GRIK4: variants seen among roughly 807,000 people sequenced by gnomAD.
The protein encoded by GRIK4 is glutamate receptor ionotropic, kainate 4.
GRIK4 carries 40 observed loss-of-function variants against 104.9 expected under a neutral mutation model. The ratio of observed to expected loss-of-function variants is 0.38; its 90% CI spans 0.30 to 0.50. The LOEUF is 0.50. Among genes scored for constraint, GRIK4 ranks in the 20% least tolerant of loss-of-function variants. The pLI is 0.93. For missense variants in GRIK4, 1,047 were observed against 1,308.1 expected (o/e 0.80, Z 3.08); for synonymous variants, 485 against 524.9 (o/e 0.92, Z 1.04).
At chr11:120,817,931 C>T (rs1055635122) in intron 5 of GRIK4, among the ~76,000 whole-genome samples, 2 of 152,186 alleles carry the variant, frequency 1.3e-5, no homozygotes, top group African/African-American at 2.4e-5. Flanking sequence ...TATTATATAC[C>T]CTACACACAG....
chr11:120,742,349 A>AC (rs1307204578), intron 3 of GRIK4, among the ~76,000 whole-genome samples: 1 of 151,454 alleles, frequency 6.6e-6, no homozygotes, highest in Non-Finnish European at 1.5e-5. Flanking sequence ...CCGTTTCAAA[A>AC]AAAAAAAAAA....
intron 1 of GRIK4, among the ~76,000 whole-genome samples, chr11:120,517,771 T>G (rs1947748784): frequency 6.7e-6 from 1 of 149,744 alleles, no homozygotes; most frequent in African/African-American, 2.5e-5. Flanking sequence ...CAGGAGGGAG[T>G]GGGAAGGGGC....
At chr11:120,713,244 T>C (rs534696120) in intron 3 of GRIK4, among the ~76,000 whole-genome samples, 4 of 152,346 alleles carry the variant, frequency 2.6e-5, no homozygotes, top group Non-Finnish European at 4.4e-5. Context: ...ACTGGATTGG[T>C]TTCTCTCAGC....
At chr11:120,832,763 CAA>C (rs993864429) in intron 7 of GRIK4, among the ~76,000 whole-genome samples, 5 of 152,284 alleles carry the variant, frequency 3.3e-5, no homozygotes, top group African/African-American at 1.2e-4. Flanking sequence ...GAGGCTGATC[CAA>C]GAGAGAGAGA....
rs1483487514 is a variant in GRIK4, at chr11:120,524,969, CA to C, written c.-159+13083del. ...CGTCTTCTTGGCTTCTGGAGCCCAT[CA>C]GGGGCTGCACCATGAATGCCCAGTG... On this transcript the variant is annotated intron_variant, in intron 1 of 20. Coordinates refer to ENST00000527524, the MANE Select transcript of GRIK4 (RefSeq NM_014619.5). The surrounding 1 kb of genome is among the most constrained non-coding windows in gnomAD (Gnocchi z 4.5). 2.0e-5 allele frequency among the ~76,000 whole-genome samples: 3 copies of C among 152,166 alleles called. No homozygotes were observed. The highest frequency in any genetic ancestry group is 7.2e-5 in the African/African-American group (3 of 41,436).
At chr11:120,908,886 C>T (rs187435164) in intron 13 of GRIK4, among the ~76,000 whole-genome samples, 3 of 152,346 alleles carry the variant, frequency 2.0e-5, no homozygotes, top group East Asian at 1.9e-4. Context: ...TAACAGCACT[C>T]GAGGTGCAAA....
Position 120,831,741 on chromosome 11 carries a change from A to AC in GRIK4, c.512-105dup, listed in dbSNP as rs532905571. On this transcript the variant is annotated intron_variant, in intron 6 of 20. Transcript: ENST00000527524. ...TCCTTAATGCTGTCAGTGGGGCCAG[A>AC]CCCCCCGACCCCACTTCCAGCCCAC... 980 of 734,884 alleles carry AC rather than the reference A, an allele frequency of 1.3e-3. 3 individuals carry two copies. The African/African-American group carries it at 0.015, about 11-fold the overall frequency. 45.5% of individuals were successfully genotyped at this position (734,884 alleles called of 1,614,324 possible). A position where few individuals can be genotyped will look rare whatever the true frequency, so the allele number is the denominator to read the frequency against.
chr11:120,711,140 T>C (rs1241563822), intron 3 of GRIK4, among the ~76,000 whole-genome samples: 1 of 152,206 alleles, frequency 6.6e-6, no homozygotes, highest in Non-Finnish European at 1.5e-5. Flanking sequence ...CAGCTTGTTA[T>C]GTCAGGAAAG....
At chr11:120,557,762 A>G (rs1461461547) in intron 1 of GRIK4, among the ~76,000 whole-genome samples, 1 of 151,958 alleles carries the variant, frequency 6.6e-6, no homozygotes, top group African/African-American at 2.4e-5. Flanking sequence ...CACGCCTGTA[A>G]TCCCAGCACT....
intron 1 of GRIK4, among the ~76,000 whole-genome samples, chr11:120,617,701 C>G (rs1433242680): frequency 6.6e-6 from 1 of 152,008 alleles, no homozygotes; most frequent in African/African-American, 2.4e-5. Flanking sequence ...TGTGTAGCAC[C>G]TCCCCCACTC....
intron 14 of GRIK4, among the ~76,000 whole-genome samples, chr11:120,951,001 C>G (rs958845117): frequency 1.3e-5 from 2 of 152,114 alleles, no homozygotes; most frequent in Non-Finnish European, 2.9e-5. Context: ...AGAGAACTTG[C>G]AATTGGTATC....
chr11:120,881,661 C>T (rs1445529008), intron 11 of GRIK4, among the ~76,000 whole-genome samples: 1 of 152,212 alleles, frequency 6.6e-6, no homozygotes, highest in Non-Finnish European at 1.5e-5. Flanking sequence ...TTCAACCCAA[C>T]TCCTTGAAAT....
intron 1 of GRIK4, among the ~76,000 whole-genome samples, chr11:120,646,845 A>C (rs554424047): frequency 6.6e-6 from 1 of 152,212 alleles, no homozygotes; most frequent in East Asian, 1.9e-4. Context: ...TTCTCACTGC[A>C]TGTTATCAAA....
Position 120,606,497 on chromosome 11 carries a change from G to A in GRIK4, c.-158-47188G>A, listed in dbSNP as rs890549593. 6.6e-5 allele frequency among the ~76,000 whole-genome samples: 10 copies of A among 152,334 alleles called. No individual in the cohort carries two copies. In the East Asian group the frequency reaches 7.7e-4, roughly 12 times the overall value. On this transcript the variant is annotated intron_variant, in intron 1 of 20. Transcript: ENST00000527524. ...AGTGGCCAAGCCAGGGGTAGAGCCCGAGGGGAGAAACTGTGTCCTCCCACA... is the reference window on the plus strand; with the variant it reads ...AGTGGCCAAGCCAGGGGTAGAGCCCAAGGGGAGAAACTGTGTCCTCCCACA...
intron 19 of GRIK4, among the ~76,000 whole-genome samples, chr11:120,972,357 A>G (rs2134766444): frequency 6.6e-6 from 1 of 152,360 alleles, no homozygotes; most frequent in Middle Eastern, 3.4e-3. Flanking sequence ...GGAGAAATCA[A>G]GTCAAATTAT....
rs11329842 is a variant in GRIK4, at chr11:120,956,203, CT to C, written c.1701-562del. 0.59 allele frequency among the ~76,000 whole-genome samples: 83,623 copies of C among 142,738 alleles called. 26,009 individuals are homozygous for C. The highest frequency in any genetic ancestry group is 0.98 in the East Asian group (4,708 of 4,824). The allele number at this position is 142,738 out of a possible 152,430, so 93.6% of individuals were successfully genotyped here. Reference sequence around the variant, plus strand: ...CCTAGCCTCAGGGGCTCCACTTAATCTTTTTTTTTTTTTTTGAGACAGGGTC... The same window carrying C: ...CCTAGCCTCAGGGGCTCCACTTAATCTTTTTTTTTTTTTTGAGACAGGGTC... On this transcript the variant is annotated intron_variant, in intron 15 of 20. Transcript: ENST00000527524. This position sits in a 1 kb window ranked among gnomAD's most constrained non-coding sequence, Gnocchi z 4.6.
At chr11:120,620,540 G>T (rs1299978387) in intron 1 of GRIK4, among the ~76,000 whole-genome samples, 2 of 152,090 alleles carry the variant, frequency 1.3e-5, no homozygotes, top group Non-Finnish European at 2.9e-5. Flanking sequence ...TCCCTATGTT[G>T]TTCAGGCTGG....
chr11:120,961,017 C>T lies in GRIK4; in HGVS notation c.1983C>T (p.Asp661=). 6.2e-7 allele frequency: 1 copy of T among 1,614,130 alleles called. No homozygotes were observed. The highest frequency in any genetic ancestry group is 8.5e-7 in the Non-Finnish European group (1 of 1,179,966). The part of the protein sequence containing the change: ...VPIESVDDLA[D]QTAIEYGTIH... ...TTGAGTCAGTGGATGACCTGGCTGA[C>T]CAGACCGCCATTGAATATGGCACAA... is the stretch of plus-strand genomic sequence containing the variant. Residue 661 remains aspartate, a synonymous_variant, in exon 17 of 21, where the codon GAC becomes GAT. Transcript: ENST00000527524.
chr11:120,520,291 C>A (rs569706505), intron 1 of GRIK4, among the ~76,000 whole-genome samples: 1 of 152,220 alleles, frequency 6.6e-6, no homozygotes, highest in African/African-American at 2.4e-5. Context: ...AGTCCCAGCC[C>A]GTCCAGCCAT....
Sources: gnomAD v4.1 joint callset for allele counts (sites outside exome capture counted in the v4.1 genomes callset) on GRCh38, gnomAD v4.1.1 for gene constraint, Gnocchi (gnomAD v3.1) non-coding constraint, MANE v1.5 for transcripts, NCBI Gene and HGNC (gene_info 2026-07-23, HGNC 2026-07-21) for gene names.